Variants in GPR35 observed in about 807,000 individuals in gnomAD.
GPR35 encodes the protein KYNA receptor.
For missense variants in GPR35, 372 were observed against 422.5 expected, an observed-to-expected ratio of 0.88 and a Z score of 1.05; for synonymous variants, 207 against 198.4, an observed-to-expected ratio of 1.04 and a Z score of -0.36.
At chr2:240,623,288 G>T (rs80118086), upstream of GPR35, among the ~76,000 whole-genome samples, 2,767 of 148,744 alleles carry the variant, frequency 0.019, 275 homozygotes, top group East Asian at 0.16. Flanking sequence ...CAGGGTGAAG[G>T]GCTGGAAACA....
intron 2 of GPR35, among the ~76,000 whole-genome samples, chr2:240,613,870 C>G (rs892066163): frequency 6.6e-6 from 1 of 151,374 alleles, no homozygotes; most frequent in Non-Finnish European, 1.5e-5. Flanking sequence ...TAACCCTAAC[C>G]CTAACTCAAC....
At chr2:240,626,928 T>C (rs1237776950) in intron 1 of GPR35, among the ~76,000 whole-genome samples, 1 of 152,212 alleles carries the variant, frequency 6.6e-6, no homozygotes, top group Non-Finnish European at 1.5e-5. Flanking sequence ...GTTTCTCTCC[T>C]GGATCACTCA....
At chr2:240,629,833 G>C (rs900301941) in intron 1 of GPR35, 116 bp from the exon 2 acceptor site, 4 of 830,964 alleles carry the variant, frequency 4.8e-6, no homozygotes, top group Non-Finnish European at 5.7e-6. Context: ...GTTTGTGGGT[G>C]TGGGGTCGGG....
Position 240,630,876 on chromosome 2 carries a change from C to G in GPR35, c.924C>G (p.Leu308=). The stretch of plus-strand genomic sequence containing the variant: ...GCCAGGACTCTCTGTGCGTGACCCT[C>G]GCCTAAGAGGCGTGCTGTGGGCGCT... ...HKSQDSLCVT[L]A is the part of the protein sequence containing the mutation. The change falls in exon 2 of 2, where the codon CTC becomes CTG. Residue 308 remains leucine (L), a synonymous_variant. Transcript: ENST00000407714. 1 of 1,610,948 alleles carries G rather than the reference C, an allele frequency of 6.2e-7. No homozygotes were observed. Among genetic ancestry groups the G allele is most frequent in the Non-Finnish European group, 8.5e-7 (1 of 1,178,446 alleles).
In GPR35 at chr2:240,630,813, T is replaced by G. The variant is rs766984303; in HGVS notation, c.861T>G (p.Ser287=). Residue 287 remains serine, a synonymous_variant, in exon 2 of 2, where the codon TCT becomes TCG. Coordinates refer to ENST00000407714, the MANE Select transcript of GPR35 (RefSeq NM_005301.5). Reference sequence around the variant, plus strand: ...TGGCCAAGGAGTTCCAGGAGGCGTCTGCACTGGCCGTGGCTCCCAGTGCTA... The same window carrying G: ...TGGCCAAGGAGTTCCAGGAGGCGTCGGCACTGGCCGTGGCTCCCAGTGCTA... ...YYMAKEFQEA[S]ALAVAPSAKA... is the part of the protein sequence containing the mutation. 6 of 1,613,270 alleles carry G rather than the reference T, an allele frequency of 3.7e-6. No homozygotes were observed. Among genetic ancestry groups the G allele is most frequent in the Non-Finnish European group, 4.2e-6 (5 of 1,179,998 alleles).
upstream of GPR35, among the ~76,000 whole-genome samples, chr2:240,623,530 G>T (rs2043332903): frequency 2.7e-5 from 4 of 150,758 alleles, no homozygotes; most frequent in Admixed American, 2.6e-4. Context: ...GCAGCTTTGG[G>T]GAGAGAGGGG....
chr2:240,616,848 G>A, intron 3 of GPR35: 1 of 712,496 alleles, frequency 1.4e-6, no homozygotes, highest in Non-Finnish European at 2.6e-6. Context: ...TGGCTCTGGG[G>A]TAGCCAGATG....
chr2:240,629,827 G>T, intron 1 of GPR35, 122 bp from the exon 2 acceptor site: 1 of 783,402 alleles, frequency 1.3e-6, no homozygotes, highest in Non-Finnish European at 2.1e-6. Context: ...TTTTGTGTTT[G>T]TGGGTGTGGG....
chr2:240,605,809 A>G (rs1279352519), intron 1 of GPR35, among the ~76,000 whole-genome samples: 1 of 152,192 alleles, frequency 6.6e-6, no homozygotes, highest in Non-Finnish European at 1.5e-5. Context: ...GACTTAAGCT[A>G]GTTTTGCTGC....
chr2:240,626,930 G>A (rs1190569042), intron 1 of GPR35, among the ~76,000 whole-genome samples: 1 of 152,220 alleles, frequency 6.6e-6, no homozygotes, highest in East Asian at 1.9e-4. Flanking sequence ...TTCTCTCCTG[G>A]ATCACTCAGT....
At chr2:240,619,962 A>AT (rs1559435916) in intron 5 of GPR35, among the ~76,000 whole-genome samples, 1 of 152,142 alleles carries the variant, frequency 6.6e-6, no homozygotes, top group Non-Finnish European at 1.5e-5. Context: ...GGCCCTAGGG[A>AT]TGGGGACAGA....
intron 2 of GPR35, among the ~76,000 whole-genome samples, chr2:240,609,397 G>A (rs991961934): frequency 6.6e-6 from 1 of 152,000 alleles, no homozygotes; most frequent in African/African-American, 2.4e-5. Flanking sequence ...CACAAAGACC[G>A]GAAAGTTGCA....
intron 5 of GPR35, among the ~76,000 whole-genome samples, chr2:240,620,088 A>T (rs1341305452): frequency 2.0e-5 from 3 of 152,112 alleles, no homozygotes; most frequent in Non-Finnish European, 4.4e-5. Flanking sequence ...AGAAAAGGGA[A>T]AGCCGCTGGA....
At chr2:240,615,999 G>C (rs1418016539) in intron 2 of GPR35, among the ~76,000 whole-genome samples, 39 of 152,208 alleles carry the variant, frequency 2.6e-4, no homozygotes, top group Non-Finnish European at 4.4e-5. Flanking sequence ...GTTGTTGCCA[G>C]CAGGCCCCAC....
chr2:240,614,215 AAACCCTAACCTG>A (rs1169163476), intron 2 of GPR35, among the ~76,000 whole-genome samples: 14 of 151,784 alleles, frequency 9.2e-5, no homozygotes, highest in African/African-American at 3.4e-4. Flanking sequence ...AACCTGGCTC[AAACCCTAACCTG>A]AACCCTAACC....
chr2:240,624,022 G>A (rs2043339963), upstream of GPR35, among the ~76,000 whole-genome samples: 1 of 151,838 alleles, frequency 6.6e-6, no homozygotes, highest in Admixed American at 6.6e-5. Context: ...GGGGGGTGGG[G>A]GAGCTCTGCA....
chr2:240,625,860 T>G (rs113590849), intron 1 of GPR35, among the ~76,000 whole-genome samples: 429 of 4,680 alleles, frequency 0.092, no homozygotes, highest in Admixed American at 0.12. Flanking sequence ...CTGTGATGGG[T>G]GTCTCAGAGT....
upstream of GPR35, among the ~76,000 whole-genome samples, chr2:240,623,498 G>GGCGCAAACAGGTC (rs2043331298): frequency 6.9e-6 from 1 of 144,534 alleles, no homozygotes; most frequent in African/African-American, 2.6e-5. Context: ...AGGTCGTGAG[G>GGCGCAAACAGGTC]GTGCAAACAG....
chr2:240,616,406 C>G, exon 3 of GPR35: 1 of 779,684 alleles, frequency 1.3e-6, no homozygotes, highest in East Asian at 2.4e-5. Context: ...CCCTGTGCAG[C>G]TTCCTGCAGA....
Sources: gnomAD v4.1 joint callset for allele counts (sites outside exome capture counted in the v4.1 genomes callset) on GRCh38, gnomAD v4.1.1 for gene constraint, MANE v1.5 for transcripts, NCBI Gene and HGNC (gene_info 2026-07-23, HGNC 2026-07-21) for gene names.